ARL3: variants seen among roughly 807,000 people sequenced by gnomAD.
The protein encoded by ARL3 is ARF like GTPase 3.
A neutral mutation model predicts 26.0 loss-of-function variants in ARL3; 9 were observed. That is an observed-to-expected ratio of 0.35 (90% CI 0.21 to 0.60). The LOEUF (loss-of-function observed/expected upper bound fraction) is 0.60. Ranked by LOEUF, ARL3 falls within the 20% of genes least tolerant of loss-of-function variation. ARL3 has a pLI of 0.78. For missense variants in ARL3, 158 were observed against 215.7 expected, an observed-to-expected ratio of 0.73 and a Z score of 1.67; for synonymous variants, 71 against 78.4, an observed-to-expected ratio of 0.91 and a Z score of 0.50.
In ARL3 at chr10:102,676,750, T is replaced by C; in HGVS notation, c.*144A>G. ...TTAAATCTACTGCTGGAATGGGGAT[T>C]CTTTCTAAACCGTGTTGTTCCCTCT... On this transcript the variant is annotated 3_prime_UTR_variant, in exon 6 of 6. Coordinates refer to ENST00000260746, the MANE Select transcript of ARL3 (RefSeq NM_004311.4). 1.3e-6 allele frequency: 1 copy of C among 763,636 alleles called. No individual in the cohort carries two copies. The highest frequency in any genetic ancestry group is 2.5e-5 in the East Asian group (1 of 39,226). 47.3% of individuals were successfully genotyped at this position (763,636 alleles called of 1,614,324 possible). A position where few individuals can be genotyped will look rare whatever the true frequency, so the allele number is the denominator to read the frequency against.
At position 102,695,981 on chromosome 10, in the gene ARL3, TCAGA is replaced by T. The variant is rs778728841; in HGVS notation, c.264+3388_264+3391del. On this transcript the variant is annotated intron_variant, in intron 3 of 5. Transcript: ENST00000260746. ...TGCCCGGCCTTATTTTATTTTTTAT[TCAGA>T]CAGAGTCTCACTCTGTCACCCAGGC... Among the ~76,000 whole-genome samples the T allele has an allele frequency of 5.3e-5, 8 of 152,162 alleles. No homozygotes were observed. The East Asian group carries it at 1.4e-3, about 26-fold the overall frequency.
rs2136014958 is a variant in ARL3, at chr10:102,714,259, G to A, written c.3+14C>T. On this transcript the variant is annotated intron_variant, in intron 1 of 5. Transcript: ENST00000260746. ...ACCGGCCGGCTCCAAGGGGGCCCAG[G>A]CCCCCACACTCACCATCCTCCCGCC... The A allele has an allele frequency of 7.6e-7, 1 of 1,313,066 alleles. No homozygotes were observed. Among genetic ancestry groups the A allele is most frequent in the East Asian group, 2.8e-5 (1 of 35,718 alleles). 81.3% of individuals were successfully genotyped at this position (1,313,066 alleles called of 1,614,324 possible).
In ARL3 at chr10:102,677,941, C is replaced by T. The variant is rs147802399; in HGVS notation, c.502-1000G>A. Among the ~76,000 whole-genome samples the T allele has an allele frequency of 4.3e-3, 656 of 152,244 alleles. 7 individuals are homozygous for T. Among genetic ancestry groups the T allele is most frequent in the African/African-American group, 0.015 (623 of 41,530 alleles). On this transcript the variant is annotated intron_variant, in intron 5 of 5. Coordinates refer to ENST00000260746, the MANE Select transcript of ARL3 (RefSeq NM_004311.4). ...TGTGGCCATGGATCTAGCTGCCGAA[C>T]CTGAACAGCTGAGACAGCTTACAGT...
chr10:102,680,746 G>A (rs1485638264), intron 5 of ARL3, among the ~76,000 whole-genome samples: 1 of 152,170 alleles, frequency 6.6e-6, no homozygotes, highest in Non-Finnish European at 1.5e-5. Flanking sequence ...AGCCATGCTG[G>A]TTACGTGGTC....
intron 2 of ARL3, among the ~76,000 whole-genome samples, chr10:102,702,052 G>T (rs1337527904): frequency 6.6e-6 from 1 of 151,436 alleles, no homozygotes; most frequent in Non-Finnish European, 1.5e-5. Context: ...TTAGCTGGGT[G>T]TGGTGGCACA....
chr10:102,694,239 T>C (rs2136002667), intron 3 of ARL3, among the ~76,000 whole-genome samples: 1 of 152,306 alleles, frequency 6.6e-6, no homozygotes, highest in Middle Eastern at 3.4e-3. Context: ...TCCTCCCGCC[T>C]TGGCCTCCCA....
chr10:102,679,923 G>A (rs1409747366), intron 5 of ARL3, among the ~76,000 whole-genome samples: 1 of 152,136 alleles, frequency 6.6e-6, no homozygotes, highest in African/African-American at 2.4e-5. Context: ...TTAAATAAAT[G>A]TTCCATACCA....
chr10:102,677,054 G>T, intron 5 of ARL3, 113 bp from the exon 6 acceptor site: 1 of 1,214,110 alleles, frequency 8.2e-7, no homozygotes, highest in Non-Finnish European at 1.2e-6. Flanking sequence ...CAGACCGCCA[G>T]CTTTAGGGAG....
At chr10:102,711,778 G>C (rs1419699240) in intron 1 of ARL3, among the ~76,000 whole-genome samples, 1 of 151,938 alleles carries the variant, frequency 6.6e-6, no homozygotes, top group African/African-American at 2.4e-5. Flanking sequence ...AAAAAAAGAA[G>C]AAAACAGGAA....
At chr10:102,678,566 G>C (rs1236217660) in intron 5 of ARL3, among the ~76,000 whole-genome samples, 1 of 152,122 alleles carries the variant, frequency 6.6e-6, no homozygotes, top group East Asian at 1.9e-4. Context: ...AACACTCAAA[G>C]GTGGGCACCT....
chr10:102,711,680 C>G (rs2064341814), intron 1 of ARL3, among the ~76,000 whole-genome samples: 1 of 152,000 alleles, frequency 6.6e-6, no homozygotes, highest in South Asian at 2.1e-4. Context: ...TGGCGTGAAC[C>G]CGGGAGGCGG....
intron 2 of ARL3, among the ~76,000 whole-genome samples, chr10:102,703,410 G>A (rs1281027577): frequency 2.8e-5 from 3 of 108,288 alleles, no homozygotes; most frequent in Non-Finnish European, 3.6e-5. Flanking sequence ...ATGAGCCATG[G>A]TGCCCAGGAC....
At chr10:102,698,389 C>T (rs573394047) in intron 3 of ARL3, among the ~76,000 whole-genome samples, 13 of 152,108 alleles carry the variant, frequency 8.5e-5, no homozygotes, top group East Asian at 3.9e-4. Context: ...GATTTCTATT[C>T]GTAATAAAGA....
At chr10:102,708,886 TTATA>T (rs1554864082) in intron 1 of ARL3, among the ~76,000 whole-genome samples, 17 of 90,502 alleles carry the variant, frequency 1.9e-4, no homozygotes, top group African/African-American at 7.6e-4. Context: ...AAACCATATA[TTATA>T]TATATATATA....
rs144743393 is a variant in ARL3, at chr10:102,705,396, G to T, written c.97C>A (p.Leu33Ile). ...TCTTCAGATGCAAGCTGCTTCAGAA[G>T]AGTGGTCTTGCCAGCATTATCCAAG... ...LGLDNAGKTT[L>I]LKQLASEDIS... is the part of the protein sequence containing the mutation. The change falls in exon 2 of 6, where the codon CTT becomes ATT. Residue 33 changes from leucine (L) to isoleucine (I), a missense_variant. By Grantham distance (5) the Leu-to-Ile change is conservative (BLOSUM62 2). Transcript: ENST00000260746. 1.2e-6 allele frequency: 2 copies of T among 1,612,096 alleles called. No homozygotes were observed.
At chr10:102,697,798 T>C (rs141046563) in intron 3 of ARL3, among the ~76,000 whole-genome samples, 229 of 152,188 alleles carry the variant, frequency 1.5e-3, no homozygotes, top group African/African-American at 5.1e-3. Context: ...TAGAATGGTG[T>C]CTTGGAAGCC....
chr10:102,699,383 G>A lies in ARL3; in HGVS notation c.254C>T (p.Thr85Ile). The A allele has an allele frequency of 1.9e-6, 3 of 1,590,404 alleles. No individual in the cohort carries two copies. Among genetic ancestry groups the A allele is most frequent in the Non-Finnish European group, 2.6e-6 (3 of 1,158,866 alleles). Reference sequence around the variant, plus strand: ...AGAAGGAGTACTTACAAGAATATCGGTATTTTCAAAATAATTCTTCCAGTA... The same window carrying A: ...AGAAGGAGTACTTACAAGAATATCGATATTTTCAAAATAATTCTTCCAGTA... Reference protein sequence around the residue: ...RPYWKNYFENTDILIYVIDSA... With the variant: ...RPYWKNYFENIDILIYVIDSA... Residue 85 changes from threonine to isoleucine, a missense_variant, in exon 3 of 6, where the codon ACC (threonine) becomes ATC (isoleucine). By Grantham distance (89) the Thr-to-Ile change is moderately conservative. Transcript: ENST00000260746.
chr10:102,678,803 T>C (rs952310095), intron 5 of ARL3, among the ~76,000 whole-genome samples: 1 of 152,250 alleles, frequency 6.6e-6, no homozygotes, highest in Admixed American at 6.5e-5. Context: ...GGGGTGGTTT[T>C]ATGCCGGGTC....
chr10:102,698,909 A>G (rs559055849), intron 3 of ARL3, among the ~76,000 whole-genome samples: 1 of 152,324 alleles, frequency 6.6e-6, no homozygotes, highest in Non-Finnish European at 1.5e-5. Context: ...GACTTAAGAT[A>G]ATTCTTGAAG....
Sources: allele counts gnomAD v4.1 joint callset (sites outside exome capture counted in the v4.1 genomes callset), GRCh38; gene constraint gnomAD v4.1.1; transcripts MANE v1.5; gene names NCBI Gene and HGNC (gene_info 2026-07-23, HGNC 2026-07-21).